The following PTK2 variants were observed in gnomAD, a reference collection of about 807,000 sequenced individuals.
PTK2 encodes the protein focal adhesion kinase 1.
In PTK2, 45 loss-of-function variants were observed where a neutral mutation model predicts 150.1. The ratio of observed to expected loss-of-function variants is 0.30; its 90% CI spans 0.24 to 0.38. The LOEUF (loss-of-function observed/expected upper bound fraction) is 0.38, where lower values mean the gene tolerates loss of function less well. Among genes scored for constraint, PTK2 ranks in the 10% least tolerant of loss-of-function variants. The probability of loss-of-function intolerance (pLI) is 1.00; values close to 1 mark genes in which losing one functional copy is unlikely to be tolerated. For missense variants in PTK2, 919 were observed against 1,307.3 expected (o/e 0.70, Z 4.58); for synonymous variants, 432 against 449.2 (o/e 0.96, Z 0.48).
At chr8:140,679,337 TA>T (rs1160525620) in intron 27 of PTK2, among the ~76,000 whole-genome samples, 1 of 152,108 alleles carries the variant, frequency 6.6e-6, no homozygotes, top group Non-Finnish European at 1.5e-5. Flanking sequence ...ATGCTCATTT[TA>T]AAAGGTTTAA....
rs192012309 is a variant in PTK2 at position 140,972,029 on chromosome 8, C to T, written c.-122+29096G>A. On this transcript the variant is annotated intron_variant, in intron 1 of 31. Coordinates refer to ENST00000522684, the Ensembl canonical transcript of PTK2. ...TGCTCCTGAACTGCTATCAGTATTT[C>T]GATGTATCCTGTCAGGATTAAGACA... Among the ~76,000 whole-genome samples, 768 of 152,176 alleles carry T rather than the reference C, an allele frequency of 5.0e-3. 10 individuals are homozygous for T. The highest frequency in any genetic ancestry group is 0.015 in the African/African-American group (625 of 41,522).
At chr8:140,793,310 T>C (rs1311114054) in intron 13 of PTK2, 44 bp downstream of exon 13, 4 of 1,587,528 alleles carry the variant, frequency 2.5e-6, no homozygotes, top group Non-Finnish European at 3.4e-6. Flanking sequence ...TTCCTTAAAC[T>C]TTCCAACAAA....
At chr8:140,695,083 T>C (rs764361880) in intron 26 of PTK2, among the ~76,000 whole-genome samples, 1 of 152,224 alleles carries the variant, frequency 6.6e-6, no homozygotes, top group Non-Finnish European at 1.5e-5. Flanking sequence ...CATTTGCATA[T>C]CCCAAATGTC....
At chr8:140,964,457 A>C (rs2100184498) in intron 1 of PTK2, among the ~76,000 whole-genome samples, 1 of 151,520 alleles carries the variant, frequency 6.6e-6, no homozygotes, top group South Asian at 2.1e-4. Context: ...AGCTCACTGC[A>C]GTCTCAACCT....
At chr8:140,850,539 C>A (rs1288366725) in intron 5 of PTK2, among the ~76,000 whole-genome samples, 19 of 143,824 alleles carry the variant, frequency 1.3e-4, no homozygotes, top group African/African-American at 4.9e-4. Context: ...CCCTGGCTAA[C>A]ATAGTGAAAC....
intron 1 of PTK2, among the ~76,000 whole-genome samples, chr8:140,932,986 G>A (rs2100172416): frequency 6.6e-6 from 1 of 151,908 alleles, no homozygotes; most frequent in African/African-American, 2.4e-5. Flanking sequence ...CAAGTAGCTG[G>A]GATTACAGGT....
At chr8:140,665,466 A>G (rs1473085768) in intron 30 of PTK2, among the ~76,000 whole-genome samples, 1 of 152,166 alleles carries the variant, frequency 6.6e-6, no homozygotes, top group Non-Finnish European at 1.5e-5. Flanking sequence ...CCCCGGATGC[A>G]AGGGGGCAGC....
rs374943780 is a variant in PTK2 at position 140,660,690 on chromosome 8, C to T, written c.2947-1012G>A. The stretch of plus-strand genomic sequence containing the variant: ...GTAGTGAGCCAAGATCGTGCCATTG[C>T]ACTCCAGCCTGGGTGACAGAGCCAG... On this transcript the variant is annotated intron_variant, in intron 31 of 31. Coordinates refer to ENST00000522684, the Ensembl canonical transcript of PTK2. The T allele has an allele frequency of 1.6e-5, 7 of 447,872 alleles. No individual in the cohort carries two copies. The East Asian group carries it at 4.9e-4, about 31-fold the overall frequency. 27.7% of individuals were successfully genotyped at this position (447,872 alleles called of 1,614,324 possible). A position where few individuals can be genotyped will look rare whatever the true frequency, so the allele number is the denominator to read the frequency against.
chr8:140,674,844 C>T (rs982770976), intron 28 of PTK2, among the ~76,000 whole-genome samples: 1 of 149,650 alleles, frequency 6.7e-6, no homozygotes, highest in Admixed American at 6.7e-5. Flanking sequence ...CTCAGGAGTT[C>T]AAGACCAGCC....
chr8:140,659,808 G>T, intron 31 of PTK2, 130 bp from the exon 36 acceptor site: 2 of 776,800 alleles, frequency 2.6e-6, no homozygotes, highest in Non-Finnish European at 4.1e-6. Context: ...TCCTGCCTCA[G>T]CCTTCCCACT....
At chr8:140,701,162 A>T in intron 25 of PTK2, 140 bp from the exon 29 acceptor site, 1 of 977,036 alleles carries the variant, frequency 1.0e-6, no homozygotes. Context: ...TGCTTGTGGG[A>T]ATAACTTTTC....
chr8:140,688,109 T>C (rs1387350201), intron 26 of PTK2, among the ~76,000 whole-genome samples: 1 of 152,212 alleles, frequency 6.6e-6, no homozygotes, highest in African/African-American at 2.4e-5. Flanking sequence ...GGATCACTTA[T>C]GGAAAAACAT....
intron 10 of PTK2, among the ~76,000 whole-genome samples, chr8:140,806,650 C>T (rs1381012882): frequency 1.3e-5 from 2 of 152,178 alleles, no homozygotes; most frequent in South Asian, 2.1e-4. Flanking sequence ...CACTTTCCTA[C>T]ACCACTTGTA....
At chr8:140,688,269 T>C (rs1037240423) in intron 26 of PTK2, among the ~76,000 whole-genome samples, 2 of 152,192 alleles carry the variant, frequency 1.3e-5, no homozygotes, top group Non-Finnish European at 2.9e-5. Flanking sequence ...ATATCCCTAG[T>C]GCCTGGCACA....
chr8:140,734,901 G>A lies in PTK2; in HGVS notation c.2030+350C>T, dbSNP rs189987480. On this transcript the variant is annotated intron_variant, in intron 22 of 31. Transcript: ENST00000522684. ...AGGAGAATTATAAGTAGGTATTGCT[G>A]GATCACAAAGTGTGAGGGAGACAGA... 158 of 424,466 alleles carry A rather than the reference G, an allele frequency of 3.7e-4. 1 individual carries two copies. In the East Asian group the frequency reaches 7.4e-3, roughly 20 times the overall value. 26.3% of individuals were successfully genotyped at this position (424,466 alleles called of 1,614,324 possible). A position where few individuals can be genotyped will look rare whatever the true frequency, so the allele number is the denominator to read the frequency against.
In PTK2 at chr8:140,846,196, T is replaced by A. The variant is rs1414644872; in HGVS notation, c.593+64A>T. The A allele has an allele frequency of 3.0e-6, 4 of 1,343,132 alleles. No homozygotes were observed. The African/African-American group carries it at 5.9e-5, about 20-fold the overall frequency. The allele number at this position is 1,343,132 out of a possible 1,614,324, so 83.2% of individuals were successfully genotyped here. A position where few individuals can be genotyped will look rare whatever the true frequency, so the allele number is the denominator to read the frequency against. On this transcript the variant is annotated intron_variant, in intron 7 of 31. Transcript: ENST00000522684. ...AGTGTTTCAGAATCAGTATTTAATT[T>A]TAAAATAAACTAAGAATTTAGTTCT... is the stretch of plus-strand genomic sequence containing the variant.
chr8:140,968,395 C>T (rs933917108), intron 1 of PTK2, among the ~76,000 whole-genome samples: 5 of 151,996 alleles, frequency 3.3e-5, no homozygotes, highest in Non-Finnish European at 7.4e-5. Flanking sequence ...AAAAAAAAAT[C>T]GTTTTTAATT....
chr8:140,689,935 A>C, intron 26 of PTK2, among the ~76,000 whole-genome samples: 1 of 152,074 alleles, frequency 6.6e-6, no homozygotes, highest in Non-Finnish European at 1.5e-5. Flanking sequence ...AGAAAGGACA[A>C]GTTTTTATTT....
chr8:140,806,519 TA>T lies in PTK2; in HGVS notation c.868-2870del, dbSNP rs1029459770. Among the ~76,000 whole-genome samples, 696 of 150,494 alleles carry T rather than the reference TA, an allele frequency of 4.6e-3. 4 individuals carry two copies. The highest frequency in any genetic ancestry group is 0.016 in the African/African-American group (651 of 41,118). The stretch of plus-strand genomic sequence containing the variant: ...GTCCTTGTTATTGCTATCTCATAAT[TA>T]AAAAAAAAATTCGAAGGCACAGTAA... On this transcript the variant is annotated intron_variant, in intron 10 of 31. Transcript: ENST00000522684.
Sources: allele counts gnomAD v4.1 joint callset (sites outside exome capture counted in the v4.1 genomes callset), GRCh38; gene constraint gnomAD v4.1.1; transcripts MANE v1.5; gene names NCBI Gene and HGNC (gene_info 2026-07-23, HGNC 2026-07-21).